DYNC2H1: variants seen among roughly 807,000 people sequenced by gnomAD.
DYNC2H1 encodes the protein dynein cytoplasmic 2 heavy chain 1.
Under a neutral mutation model 570.0 loss-of-function variants are expected in DYNC2H1, and 410 were observed. The observed-to-expected ratio is 0.72, with a 90% CI of 0.66 to 0.78. The LOEUF (loss-of-function observed/expected upper bound fraction) is 0.78, where lower values mean the gene tolerates loss of function less well. DYNC2H1 is among the 30% of genes least tolerant of loss of function. The pLI, the probability that DYNC2H1 is intolerant of heterozygous loss-of-function variation, is 0.00. For synonymous variants in DYNC2H1, 1,688 were observed against 1,677.6 expected, an observed-to-expected ratio of 1.01 and a Z score of -0.15; for missense variants, 4,865 against 5,046.4, an observed-to-expected ratio of 0.96 and a Z score of 1.09.
At chr11:103,257,514 T>C (rs1245470586) in intron 68 of DYNC2H1, 94 bp from the exon 69 acceptor site, 3 of 1,212,178 alleles carry the variant, frequency 2.5e-6, no homozygotes, top group Non-Finnish European at 3.3e-6. Flanking sequence ...TTTTATTACT[T>C]GGGTAGATAT....
At chr11:103,454,419 C>T (rs1350159033) in intron 85 of DYNC2H1, among the ~76,000 whole-genome samples, 2 of 147,824 alleles carry the variant, frequency 1.4e-5, no homozygotes, top group Non-Finnish European at 3.0e-5. Context: ...AGAAACAAGT[C>T]ACTTAAAACT....
chr11:103,122,453 G>A (rs1411202780), intron 10 of DYNC2H1, among the ~76,000 whole-genome samples: 3 of 152,086 alleles, frequency 2.0e-5, no homozygotes, highest in Non-Finnish European at 2.9e-5. Context: ...GCTTTTAATC[G>A]GAGCATGTTG....
intron 84 of DYNC2H1, among the ~76,000 whole-genome samples, chr11:103,420,242 T>C (rs1349070203): frequency 1.3e-5 from 2 of 151,998 alleles, no homozygotes; most frequent in African/African-American, 4.8e-5. Context: ...CCAGGAGAAC[T>C]TCCCCAACCT....
intron 9 of DYNC2H1, 77 bp downstream of exon 9, chr11:103,121,113 T>G: frequency 1.0e-6 from 1 of 984,364 alleles, no homozygotes; most frequent in Non-Finnish European, 1.4e-6. Context: ...TGCATACCAT[T>G]TAGGATTAAA....
chr11:103,154,139 T>C (rs2134882840), intron 22 of DYNC2H1, among the ~76,000 whole-genome samples: 1 of 151,940 alleles, frequency 6.6e-6, no homozygotes, highest in East Asian at 1.9e-4. Flanking sequence ...TATTTACATA[T>C]ATATAATATG....
At chr11:103,220,937 T>A (rs908902335) in intron 57 of DYNC2H1, among the ~76,000 whole-genome samples, 154 bp downstream of exon 57, 6 of 152,156 alleles carry the variant, frequency 3.9e-5, no homozygotes, top group African/African-American at 1.4e-4. Flanking sequence ...TTCTATGTAA[T>A]CATATATCAA....
chr11:103,248,738 G>C (rs1591471839), intron 65 of DYNC2H1, among the ~76,000 whole-genome samples: 2 of 151,944 alleles, frequency 1.3e-5, no homozygotes, highest in East Asian at 3.9e-4. Flanking sequence ...ATATTGATAG[G>C]ATTTGGGTAT....
chr11:103,396,023 TTTG>T (rs1942384138), intron 83 of DYNC2H1, among the ~76,000 whole-genome samples: 1 of 152,206 alleles, frequency 6.6e-6, no homozygotes, highest in Non-Finnish European at 1.5e-5. Flanking sequence ...CATCGAGTCT[TTTG>T]TTATCTTTAT....
At chr11:103,278,963 A>G (rs1232060456) in intron 70 of DYNC2H1, among the ~76,000 whole-genome samples, 4 of 152,322 alleles carry the variant, frequency 2.6e-5, no homozygotes, top group South Asian at 2.1e-4. Flanking sequence ...GCAGTGGAGA[A>G]CAAGGCCTAC....
rs540589690 is a variant in DYNC2H1 at position 103,148,747 on chromosome 11, C to G, written c.2946+130C>G. The stretch of plus-strand genomic sequence containing the variant: ...TATAAGGAGGTCCACAATAGTCTGG[C>G]TTACCTGGTTAGCTCATGATTAGAC... On this transcript the variant is annotated intron_variant, in intron 20 of 88. Transcript: ENST00000375735. 39 of 1,189,066 alleles carry G rather than the reference C, an allele frequency of 3.3e-5. No homozygotes were observed. The African/African-American group carries it at 5.1e-4, about 16-fold the overall frequency. 73.7% of individuals were successfully genotyped at this position (1,189,066 alleles called of 1,614,324 possible). A position where few individuals can be genotyped will look rare whatever the true frequency, so the allele number is the denominator to read the frequency against.
chr11:103,384,196 T>G (rs1002985229), intron 83 of DYNC2H1, among the ~76,000 whole-genome samples: 2 of 152,336 alleles, frequency 1.3e-5, no homozygotes, highest in African/African-American at 4.8e-5. Context: ...AAATGGTATT[T>G]TGTTCATTTG....
chr11:103,255,389 T>C, intron 66 of DYNC2H1, 26 bp from the exon 67 acceptor site: 3 of 1,541,894 alleles, frequency 1.9e-6, no homozygotes, highest in Non-Finnish European at 2.6e-6. Flanking sequence ...ATTGCTAGAA[T>C]TACCTTGTCT....
intron 82 of DYNC2H1, among the ~76,000 whole-genome samples, chr11:103,358,029 T>C (rs1450646950): frequency 6.6e-6 from 1 of 152,158 alleles, no homozygotes; most frequent in Non-Finnish European, 1.5e-5. Context: ...AAATCGGTTT[T>C]CCCCAACTTT....
rs749527696 is a variant in DYNC2H1, at chr11:103,113,726, A to AT, written c.366+27dup. On this transcript the variant is annotated intron_variant, in intron 2 of 88. Transcript: ENST00000375735. ...GTTAAAGGTGAGAAAAGAAGCTGTC[A>AT]TTTTTTTTAACTGAGGTATTTGGAT... 39 of 1,486,002 alleles carry AT rather than the reference A, an allele frequency of 2.6e-5. No homozygotes were observed. The African/African-American group carries it at 2.6e-4, about 10-fold the overall frequency. The allele number at this position is 1,486,002 out of a possible 1,614,324, so 92.1% of individuals were successfully genotyped here. A position where few individuals can be genotyped will look rare whatever the true frequency, so the allele number is the denominator to read the frequency against.
chr11:103,143,214 G>A, intron 17 of DYNC2H1, 54 bp from the exon 18 acceptor site: 1 of 1,568,672 alleles, frequency 6.4e-7, no homozygotes, highest in South Asian at 1.2e-5. Flanking sequence ...TCTATTATAT[G>A]TTAACATATT....
At chr11:103,139,786 C>G (rs1299134712) in intron 17 of DYNC2H1, among the ~76,000 whole-genome samples, 1 of 151,920 alleles carries the variant, frequency 6.6e-6, no homozygotes, top group Non-Finnish European at 1.5e-5. Context: ...CTTTCTGTCT[C>G]GTTGATCTGT....
intron 17 of DYNC2H1, among the ~76,000 whole-genome samples, chr11:103,142,070 T>C (rs1859972360): frequency 6.6e-6 from 1 of 152,156 alleles, no homozygotes. Flanking sequence ...AAAAGTGTAG[T>C]ATTAGGGTGG....
chr11:103,201,174 A>G lies in DYNC2H1; in HGVS notation c.8197+1020A>G, dbSNP rs1327200873. Among the ~76,000 whole-genome samples the G allele has an allele frequency of 6.6e-6, 1 of 152,154 alleles. No homozygotes were observed. The highest frequency in any genetic ancestry group is 2.4e-5 in the African/African-American group (1 of 41,446). ...AGAAATTAAAATTATTTTTAAGGAA[A>G]AAAGGAACTTATATGTACTTTATGC... On this transcript the variant is annotated intron_variant, in intron 50 of 88. Coordinates refer to ENST00000375735, the MANE Select transcript of DYNC2H1 (RefSeq NM_001377.3). The surrounding 1 kb of genome is among the most constrained non-coding windows in gnomAD (Gnocchi z 4.8).
In DYNC2H1 at chr11:103,286,317, T is replaced by C. The variant is rs756946049; in HGVS notation, c.10953T>C (p.Tyr3651=). The C allele has an allele frequency of 6.2e-7, 1 of 1,613,832 alleles. No homozygotes were observed. The highest frequency in any genetic ancestry group is 1.1e-5 in the South Asian group (1 of 91,042). Residue 3651 remains tyrosine, a synonymous_variant, in exon 74 of 89, where the codon TAT becomes TAC. Coordinates refer to ENST00000375735, the MANE Select transcript of DYNC2H1 (RefSeq NM_001377.3). ...CFEDAALWRT[Y]YNNSMCEQEF... The stretch of plus-strand genomic sequence containing the variant: ...AAGATGCAGCTCTGTGGCGTACTTA[T>C]TATAATAATTCAATGTGTGAGCAAG...
Sources: allele counts gnomAD v4.1 joint callset (sites outside exome capture counted in the v4.1 genomes callset), GRCh38; gene constraint gnomAD v4.1.1; non-coding constraint Gnocchi (gnomAD v3.1); transcripts MANE v1.5; gene names NCBI Gene and HGNC (gene_info 2026-07-23, HGNC 2026-07-21).